ROBO2: variants seen among roughly 807,000 people sequenced by gnomAD.
ROBO2 encodes the protein roundabout guidance receptor 2.
In ROBO2, 53 loss-of-function variants were observed where a neutral mutation model predicts 160.8. The observed-to-expected ratio is 0.33, with a 90% CI of 0.26 to 0.41. ROBO2 has a LOEUF of 0.41. Among genes scored for constraint, ROBO2 ranks in the 10% least tolerant of loss-of-function variants. The pLI, the probability that ROBO2 is intolerant of heterozygous loss-of-function variation, is 1.00. For synonymous variants in ROBO2, 664 were observed against 611.7 expected (o/e 1.09, Z -1.26); for missense variants, 1,577 against 1,722.4 (o/e 0.92, Z 1.49).
chr3:76,648,957 A>G (rs893587709), intron 2 of ROBO2, among the ~76,000 whole-genome samples: 1 of 152,132 alleles, frequency 6.6e-6, no homozygotes, highest in Non-Finnish European at 1.5e-5. Flanking sequence ...TCGGTGTACA[A>G]CTATTTTATG....
At chr3:77,048,566 C>T (rs1454213397) in intron 1 of ROBO2, among the ~76,000 whole-genome samples, 3 of 152,148 alleles carry the variant, frequency 2.0e-5, no homozygotes, top group East Asian at 3.9e-4. Flanking sequence ...TTTGATATAA[C>T]GTACTGTGGA....
At chr3:76,382,119 A>G (rs2076657705) in intron 2 of ROBO2, among the ~76,000 whole-genome samples, 1 of 152,076 alleles carries the variant, frequency 6.6e-6, no homozygotes, top group Non-Finnish European at 1.5e-5. Context: ...GTGTGCACCA[A>G]TATGCCTGGC....
At position 77,214,968 on chromosome 3, in the gene ROBO2, T is replaced by A. The variant is rs1407395366; in HGVS notation, c.388+116628T>A. Among the ~76,000 whole-genome samples, 3 of 152,200 alleles carry A rather than the reference T, an allele frequency of 2.0e-5. No individual in the cohort carries two copies. The South Asian group carries it at 6.2e-4, about 32-fold the overall frequency. ...AGATCAGCTGTTAGTCTGATGGGCT[T>A]CCCTTTGTGGGTAACCCGACCTTTC... On this transcript the variant is annotated intron_variant, in intron 2 of 25. Coordinates refer to ENST00000461745, the Ensembl canonical transcript of ROBO2.
At chr3:77,445,430 C>T (rs1008875175) in intron 2 of ROBO2, among the ~76,000 whole-genome samples, 1 of 152,066 alleles carries the variant, frequency 6.6e-6, no homozygotes, top group African/African-American at 2.4e-5. Context: ...TACTTCCCTA[C>T]TTCCCTCTCC....
At chr3:76,811,488 A>G (rs1238183605) in intron 2 of ROBO2, among the ~76,000 whole-genome samples, 2 of 152,158 alleles carry the variant, frequency 1.3e-5, no homozygotes, top group Admixed American at 1.3e-4. Flanking sequence ...CTGGAACATT[A>G]GATTTGGTTT....
At chr3:77,508,126 G>A (rs2153613487) in intron 5 of ROBO2, among the ~76,000 whole-genome samples, 1 of 151,732 alleles carries the variant, frequency 6.6e-6, no homozygotes, top group African/African-American at 2.4e-5. Flanking sequence ...ATTTCACAAA[G>A]CACATATGTA....
At chr3:76,232,565 T>A (rs17140533) in intron 2 of ROBO2, among the ~76,000 whole-genome samples, 3,034 of 152,302 alleles carry the variant, frequency 0.02, 177 homozygotes, top group East Asian at 0.18. Context: ...CGATTGCAAA[T>A]ATAAACTATG....
intron 2 of ROBO2, among the ~76,000 whole-genome samples, chr3:76,145,109 A>C (rs902944448): frequency 1.7e-5 from 2 of 118,422 alleles, no homozygotes; most frequent in Non-Finnish European, 4.0e-5. Context: ...AAGAAGAGAA[A>C]AAAAAAACGC....
chr3:76,581,283 A>G (rs187751622), intron 2 of ROBO2, among the ~76,000 whole-genome samples: 4 of 152,278 alleles, frequency 2.6e-5, no homozygotes, highest in African/African-American at 9.6e-5. Flanking sequence ...TACCCAGGAT[A>G]CTTTTAATGT....
In ROBO2 at chr3:76,272,083, T is replaced by C. The variant is rs186956507; in HGVS notation, c.109+334481T>C. Among the ~76,000 whole-genome samples, 678 of 152,274 alleles carry C rather than the reference T, an allele frequency of 4.5e-3. 3 individuals carry two copies. Among genetic ancestry groups the C allele is most frequent in the Non-Finnish European group, 6.4e-3 (432 of 68,002 alleles). ...TCTATAAATATAAGTGTTTCCAACA[T>C]AAACATATAAAAGTAAGTTATTATT... On this transcript the variant is annotated intron_variant, in intron 2 of 26. Coordinates refer to the ROBO2 transcript ENST00000487694.
chr3:76,643,490 G>T lies in ROBO2; in HGVS notation c.110-454524G>T, dbSNP rs370423139. Among the ~76,000 whole-genome samples, 31 of 152,238 alleles carry T rather than the reference G, an allele frequency of 2.0e-4. No homozygotes were observed. The East Asian group carries it at 3.5e-3, about 17-fold the overall frequency. On this transcript the variant is annotated intron_variant, in intron 2 of 26. Coordinates refer to the ROBO2 transcript ENST00000487694. ...TGATTAGAGAGCATGTATTTAATAAGTATATACTGTCCTGCAATAAATGCA... is the reference window on the plus strand; with the variant it reads ...TGATTAGAGAGCATGTATTTAATAATTATATACTGTCCTGCAATAAATGCA...
chr3:77,130,164 A>T (rs890053634), intron 2 of ROBO2, among the ~76,000 whole-genome samples: 11 of 152,060 alleles, frequency 7.2e-5, no homozygotes, highest in Non-Finnish European at 1.6e-4. Flanking sequence ...AGCTTCCATG[A>T]TGACTCTCAA....
At chr3:76,376,595 A>C (rs1339164622) in intron 2 of ROBO2, among the ~76,000 whole-genome samples, 1 of 152,054 alleles carries the variant, frequency 6.6e-6, no homozygotes, top group East Asian at 1.9e-4. Flanking sequence ...CACTGCCCAC[A>C]ACAGATAGAA....
At chr3:77,330,634 C>T (rs540518653) in intron 2 of ROBO2, among the ~76,000 whole-genome samples, 3 of 152,262 alleles carry the variant, frequency 2.0e-5, no homozygotes, top group South Asian at 2.1e-4. Flanking sequence ...CAGAGACAGA[C>T]TTTTGTGATG....
chr3:77,437,152 A>G (rs1397950769), intron 2 of ROBO2, among the ~76,000 whole-genome samples: 1 of 151,994 alleles, frequency 6.6e-6, no homozygotes, highest in Non-Finnish European at 1.5e-5. Context: ...TTAACCACTA[A>G]AGTGGAACCA....
intron 6 of ROBO2, among the ~76,000 whole-genome samples, 186 bp downstream of exon 7, chr3:77,527,600 T>C (rs958783124): frequency 1.3e-5 from 2 of 151,606 alleles, no homozygotes; most frequent in African/African-American, 2.4e-5. Flanking sequence ...TGTAGTGACT[T>C]TTGCTACATA....
intron 2 of ROBO2, among the ~76,000 whole-genome samples, chr3:77,129,372 T>C (rs567601638): frequency 2.0e-4 from 31 of 152,246 alleles, no homozygotes; most frequent in African/African-American, 7.5e-4. Flanking sequence ...TCTTTATTAA[T>C]CAAAATAGGA....
At chr3:77,644,881 A>G in exon 25 of ROBO2, 1 of 1,614,096 alleles carries the variant, frequency 6.2e-7, no homozygotes, top group Non-Finnish European at 8.5e-7. Flanking sequence ...TCCAACAGTC[A>G]AGGACAGTTT....
intron 2 of ROBO2, among the ~76,000 whole-genome samples, chr3:77,443,497 T>G (rs549647900): frequency 1.3e-5 from 2 of 152,278 alleles, no homozygotes; most frequent in Admixed American, 6.5e-5. Context: ...CTATTGTTAG[T>G]AGTACCATGA....
Sources: gnomAD v4.1 joint callset for allele counts (sites outside exome capture counted in the v4.1 genomes callset) on GRCh38, gnomAD v4.1.1 for gene constraint, MANE v1.5 for transcripts, NCBI Gene and HGNC (gene_info 2026-07-23, HGNC 2026-07-21) for gene names.